The following SMPD3 variants were observed in gnomAD, a reference collection of about 807,000 sequenced individuals.
SMPD3 encodes sphingomyelin phosphodiesterase 3.
SMPD3 carries 21 observed loss-of-function variants against 55.7 expected under a neutral mutation model. That is an observed-to-expected ratio of 0.38 (90% CI 0.27 to 0.54). The LOEUF (loss-of-function observed/expected upper bound fraction) is 0.54, where lower values mean the gene tolerates loss of function less well. Ranked by LOEUF, SMPD3 falls within the 20% of genes least tolerant of loss-of-function variation. The pLI is 0.80. For synonymous variants in SMPD3, 457 were observed against 404.3 expected, an observed-to-expected ratio of 1.13 and a Z score of -1.56; for missense variants, 842 against 899.6, an observed-to-expected ratio of 0.94 and a Z score of 0.82.
At chr16:68,438,676 C>T (rs2152033738) in intron 1 of SMPD3, among the ~76,000 whole-genome samples, 1 of 152,310 alleles carries the variant, frequency 6.6e-6, no homozygotes, top group South Asian at 2.1e-4. Context: ...CATTTGATCA[C>T]AACTTTCCCT....
At position 68,361,633 on chromosome 16, in the gene SMPD3, T is replaced by C; in HGVS notation, c.1836A>G (p.Ala612=). Residue 612 remains alanine, a synonymous_variant, in exon 8 of 9, where the codon GCA becomes GCG. Coordinates refer to ENST00000219334, the MANE Select transcript of SMPD3 (RefSeq NM_018667.4). The part of the protein sequence containing the change: ...NGRRIDYMLH[A]EEGLCPDWKA... ...TCCAGTCTGGGCACAGCCCCTCCTC[T>C]GCATGCAGCATGTAGTCGATGCGCC... is the stretch of plus-strand genomic sequence containing the variant. The C allele has an allele frequency of 1.2e-6, 2 of 1,610,726 alleles. No homozygotes were observed. The highest frequency in any genetic ancestry group is 1.7e-6 in the Non-Finnish European group (2 of 1,179,936).
chr16:68,385,950 C>T (rs924742655), intron 2 of SMPD3, among the ~76,000 whole-genome samples: 1 of 152,194 alleles, frequency 6.6e-6, no homozygotes, highest in Non-Finnish European at 1.5e-5. Flanking sequence ...TGGCTGGGCA[C>T]AGTGGCTTGT....
intron 7 of SMPD3, 90 bp from the exon 8 acceptor site, chr16:68,361,849 G>C (rs540263654): frequency 2.3e-6 from 3 of 1,331,294 alleles, no homozygotes; most frequent in Non-Finnish European, 3.0e-6. Context: ...TCTCCTCCCA[G>C]TGTGGGAGCG....
chr16:68,375,266 G>C (rs191291898), intron 2 of SMPD3, among the ~76,000 whole-genome samples: 1 of 142,354 alleles, frequency 7.0e-6, no homozygotes, highest in Non-Finnish European at 1.5e-5. Context: ...CTGTATCTAG[G>C]GGCCCTTTGT....
chr16:68,365,146 G>A (rs929174277), intron 3 of SMPD3, 54 bp from the exon 4 acceptor site: 4 of 1,587,210 alleles, frequency 2.5e-6, no homozygotes, highest in Admixed American at 1.7e-5. Context: ...GGCCCTGAGA[G>A]CACAGGACAC....
At chr16:68,370,748 C>T (rs2089638691) in intron 3 of SMPD3, 111 bp downstream of exon 3, 20 of 1,414,496 alleles carry the variant, frequency 1.4e-5, no homozygotes, top group South Asian at 1.1e-4. Context: ...CCCACTCCAA[C>T]CTCCCACTCC....
intron 1 of SMPD3, among the ~76,000 whole-genome samples, chr16:68,423,617 C>T (rs1974903): frequency 0.77 from 116,617 of 152,076 alleles, 44,989 homozygotes; most frequent in East Asian, 0.88. Context: ...TCTCAGGTGT[C>T]CTGTTACAGC....
chr16:68,403,719 G>A (rs185311753), intron 1 of SMPD3, among the ~76,000 whole-genome samples: 352 of 152,332 alleles, frequency 2.3e-3, no homozygotes, highest in Non-Finnish European at 4.0e-3. Context: ...GAATGGATTT[G>A]CTGAGGTTTG....
chr16:68,421,525 G>A (rs1418262204), intron 1 of SMPD3, among the ~76,000 whole-genome samples: 1 of 152,202 alleles, frequency 6.6e-6, no homozygotes, highest in Middle Eastern at 3.2e-3. Context: ...ACAGACTTAT[G>A]ACCAACCTGG....
rs754728453 is a variant in SMPD3, at chr16:68,372,041, C to G, written c.141G>C (p.Gln47His). The G allele has an allele frequency of 6.2e-7, 1 of 1,609,680 alleles. No homozygotes were observed. Among genetic ancestry groups the G allele is most frequent in the East Asian group, 2.2e-5 (1 of 44,648 alleles). The change falls in exon 3 of 9, where the codon CAG (glutamine) becomes CAC (histidine). Residue 47 changes from glutamine to histidine, a missense_variant. By Grantham distance (24) the Gln-to-His change is conservative. This residue lies in a region of SMPD3 where 193 missense variants were observed against 256.0 expected (regional missense o/e 0.75). Transcript: ENST00000219334. ...SFIPTTYEKRQRADDPCCLQL... is the reference protein window; with the variant it reads ...SFIPTTYEKRHRADDPCCLQL... ...GCAGGCAGCACGGGTCGTCTGCCCG[C>G]TGGCGCTTCTCGTAGGTGGTGGGTA...
At position 68,371,545 on chromosome 16, in the gene SMPD3, T is replaced by G; in HGVS notation, c.637A>C (p.Lys213Gln). Reference sequence around the variant, plus strand: ...CCGGGGTGCCGCCCACCGTCACCCTTGTACTCCACAGAGGCTGTCCTCTTA... The same window carrying G: ...CCGGGGTGCCGCCCACCGTCACCCTGGTACTCCACAGAGGCTGTCCTCTTA... ...SIKRTASVEY[K>Q]GDGGRHPGDE... Residue 213 changes from lysine to glutamine, a missense_variant, in exon 3 of 9, where the codon AAG becomes CAG. By Grantham distance (53) the Lys-to-Gln change is moderately conservative (BLOSUM62 1). Transcript: ENST00000219334. 1 of 1,601,634 alleles carries G rather than the reference T, an allele frequency of 6.2e-7. No individual in the cohort carries two copies. Among genetic ancestry groups the G allele is most frequent in the East Asian group, 2.2e-5 (1 of 44,854 alleles).
intron 2 of SMPD3, among the ~76,000 whole-genome samples, chr16:68,374,027 C>T (rs1189007551): frequency 2.6e-5 from 4 of 152,242 alleles, no homozygotes; most frequent in Admixed American, 1.3e-4. Context: ...CCACGTGTGG[C>T]CTGGTCTCTG....
intron 1 of SMPD3, among the ~76,000 whole-genome samples, chr16:68,441,995 G>T (rs2090570188): frequency 6.6e-6 from 1 of 152,094 alleles, no homozygotes. Flanking sequence ...TGAACTCTTG[G>T]CCTCAAGCAA....
chr16:68,384,032 C>G (rs2090004074), intron 2 of SMPD3, among the ~76,000 whole-genome samples: 1 of 152,236 alleles, frequency 6.6e-6, no homozygotes, highest in Admixed American at 6.5e-5. Flanking sequence ...CACATCATAC[C>G]ACACTGCTCC....
intron 1 of SMPD3, among the ~76,000 whole-genome samples, chr16:68,444,429 C>T (rs1162931044): frequency 6.6e-6 from 1 of 152,204 alleles, no homozygotes; most frequent in Non-Finnish European, 1.5e-5. Context: ...TCAACATGAC[C>T]AGCCCTTCTG....
Position 68,359,834 on chromosome 16 carries a change from A to G in SMPD3, c.*1372T>C, listed in dbSNP as rs1346846505. 6.6e-6 allele frequency: 1 copy of G among 152,538 alleles called. No homozygotes were observed. Among genetic ancestry groups the G allele is most frequent in the Admixed American group, 6.5e-5 (1 of 15,292 alleles). The allele number at this position is 152,538 out of a possible 1,614,324, so 9.4% of individuals were successfully genotyped here. On this transcript the variant is annotated 3_prime_UTR_variant, in exon 9 of 9. Coordinates refer to ENST00000219334, the MANE Select transcript of SMPD3 (RefSeq NM_018667.4). ...TGGAGTCTCTTAAAGGCAGGTGGGC[A>G]GAGGCAGTGCTGCCGAAGGGGCCTG...
At chr16:68,434,605 C>G (rs1378283967) in intron 1 of SMPD3, among the ~76,000 whole-genome samples, 1 of 152,142 alleles carries the variant, frequency 6.6e-6, no homozygotes, top group African/African-American at 2.4e-5. Context: ...TTACATTTAT[C>G]GTCATAACCA....
rs75117374 is a variant in SMPD3, at chr16:68,363,544, G to A, written c.1661C>T (p.Thr554Met). The change falls in exon 7 of 9, where the codon ACG becomes ATG. Residue 554 changes from threonine (T) to methionine (M), a missense_variant. Transcript: ENST00000219334. ...KPWAIGTLLDTNGLYDEDVCT... is the reference protein window; with the variant it reads ...KPWAIGTLLDMNGLYDEDVCT... The stretch of plus-strand genomic sequence containing the variant: ...CACATCCTCATCGTACAGGCCGTTC[G>A]TGTCCAGCAGAGTACCTGGGGGGGA... 38 of 1,613,828 alleles carry A rather than the reference G, an allele frequency of 2.4e-5. No homozygotes were observed. Among genetic ancestry groups the A allele is most frequent in the African/African-American group, 1.6e-4 (12 of 75,044 alleles).
intron 1 of SMPD3, among the ~76,000 whole-genome samples, chr16:68,441,952 G>T (rs1408604174): frequency 6.6e-6 from 1 of 152,064 alleles, no homozygotes; most frequent in Non-Finnish European, 1.5e-5. Flanking sequence ...TTTTTATAGA[G>T]ACGGGGTCTC....
Sources: gnomAD v4.1 joint callset for allele counts (sites outside exome capture counted in the v4.1 genomes callset) on GRCh38, gnomAD v4.1.1 for gene constraint, gnomAD v4.1.1 regional missense constraint, MANE v1.5 for transcripts, NCBI Gene and HGNC (gene_info 2026-07-23, HGNC 2026-07-21) for gene names.